ETV3L: variants seen among roughly 807,000 people sequenced by gnomAD.
ETV3L encodes ETS variant transcription factor 3 like, also known as ETS translocation variant 3-like protein.
ETV3L carries 30 observed loss-of-function variants against 27.6 expected under a neutral mutation model. The ratio of observed to expected loss-of-function variants is 1.09; its 90% CI spans 0.81 to 1.48. The LOEUF (loss-of-function observed/expected upper bound fraction) is 1.48, where lower values mean the gene tolerates loss of function less well. Among genes scored for constraint, ETV3L ranks in the 40% most tolerant of loss-of-function variants. The pLI, the probability that ETV3L is intolerant of heterozygous loss-of-function variation, is 0.00. For synonymous variants in ETV3L, 186 were observed against 188.9 expected (o/e 0.98, Z 0.12); for missense variants, 443 against 455.6 (o/e 0.97, Z 0.25).
chr1:157,097,470 C>CAAAAAA (rs150226645), intron 4 of ETV3L, among the ~76,000 whole-genome samples: 2 of 102,898 alleles, frequency 1.9e-5, no homozygotes, highest in Admixed American at 1.0e-4. Context: ...GACTCCGTCT[C>CAAAAAA]AAAAAAAAAA....
chr1:157,096,071 G>A (rs1268597643), intron 4 of ETV3L, among the ~76,000 whole-genome samples: 1 of 151,944 alleles, frequency 6.6e-6, no homozygotes, highest in Non-Finnish European at 1.5e-5. Context: ...TCTGTTCCAG[G>A]GCCATTGCAT....
At chr1:157,098,045 C>G (rs200585359) in intron 3 of ETV3L, 57 bp from the exon 4 acceptor site, 13 of 1,529,978 alleles carry the variant, frequency 8.5e-6, no homozygotes, top group Non-Finnish European at 1.1e-5. Context: ...ATGTATCCTC[C>G]AGTACAATCT....
intron 4 of ETV3L, among the ~76,000 whole-genome samples, chr1:157,097,636 C>T (rs755059168): frequency 7.2e-5 from 11 of 152,332 alleles, no homozygotes; most frequent in Middle Eastern, 3.4e-3. Flanking sequence ...CAGCAGCAGT[C>T]GCTGGCAGTA....
At position 157,092,698 on chromosome 1, in the gene ETV3L, G is replaced by T. The variant is rs774846719; in HGVS notation, c.1037C>A (p.Ser346Tyr). Residue 346 changes from serine to tyrosine, a missense_variant, in exon 5 of 5, where the codon TCC (serine) becomes TAC (tyrosine). Ser to Tyr is a moderately radical substitution (Grantham distance 144, BLOSUM62 -2). Coordinates refer to ENST00000454449, the MANE Select transcript of ETV3L (RefSeq NM_001004341.2). Reference sequence around the variant, plus strand: ...TGCTTTGAGGTTCTCCAGATTGGGGGAAGTAAGGCTTTCCTCCCCAGTTTT... The same window carrying T: ...TGCTTTGAGGTTCTCCAGATTGGGGTAAGTAAGGCTTTCCTCCCCAGTTTT... ...RLKTGEESLT[S>Y]PNLENLKAVW... 36 of 1,613,836 alleles carry T rather than the reference G, an allele frequency of 2.2e-5. No individual in the cohort carries two copies. Among genetic ancestry groups the T allele is most frequent in the Non-Finnish European group, 2.8e-5 (33 of 1,179,794 alleles).
Position 157,092,806 on chromosome 1 carries a change from A to T in ETV3L, c.929T>A (p.Leu310Gln). 6.2e-7 allele frequency: 1 copy of T among 1,614,166 alleles called. No individual in the cohort carries two copies. The highest frequency in any genetic ancestry group is 8.5e-7 in the Non-Finnish European group (1 of 1,180,006). Reference protein sequence around the residue: ...LWLLSLRPEGLEVKPAPMMEA... With the variant: ...LWLLSLRPEGQEVKPAPMMEA... ...CATCATGGGAGCAGGCTTTACTTCC[A>T]GCCCCTCGGGCCTGAGGGACAAGAG... is the stretch of plus-strand genomic sequence containing the variant. Residue 310 changes from leucine (L) to glutamine (Q), a missense_variant, in exon 5 of 5, where the codon CTG (leucine) becomes CAG (glutamine). Transcript: ENST00000454449.
At position 157,099,393 on chromosome 1, in the gene ETV3L, G is replaced by T. The variant is rs1403392449; in HGVS notation, c.59-15C>A. 6.2e-7 allele frequency: 1 copy of T among 1,614,084 alleles called. No homozygotes were observed. Among genetic ancestry groups the T allele is most frequent in the Non-Finnish European group, 8.5e-7 (1 of 1,179,950 alleles). On this transcript the variant is annotated splice_polypyrimidine_tract_variant and intron_variant, in intron 1 of 4. Coordinates refer to ENST00000454449, the MANE Select transcript of ETV3L (RefSeq NM_001004341.2). The stretch of plus-strand genomic sequence containing the variant: ...GAAGGCCAACCCTGGGTGGAGAGGG[G>T]AGAGTGAGGGCTCTGGAGGCCCTGC...
intron 3 of ETV3L, 129 bp downstream of exon 3, chr1:157,098,577 C>A: frequency 1.1e-6 from 1 of 881,568 alleles, no homozygotes; most frequent in Non-Finnish European, 1.7e-6. Flanking sequence ...CACTCAGGGT[C>A]TAGGATGCAG....
At position 157,092,946 on chromosome 1, in the gene ETV3L, C is replaced by T. The variant is rs754657687; in HGVS notation, c.789G>A (p.Gly263=). Residue 263 remains glycine, a synonymous_variant, in exon 5 of 5, where the codon GGG becomes GGA. Transcript: ENST00000454449. ...GGAGCAGGATGTCTGGCTTAAAAGC[C>T]CCTGGGAGCTGCTGCTCTGACGGGA... ...PPLPSEQQLP[G]AFKPDILLPG... 2 of 1,614,042 alleles carry T rather than the reference C, an allele frequency of 1.2e-6. No individual in the cohort carries two copies. The highest frequency in any genetic ancestry group is 1.7e-6 in the Non-Finnish European group (2 of 1,179,970).
At chr1:157,093,719 C>T (rs1425742559) in intron 4 of ETV3L, among the ~76,000 whole-genome samples, 1 of 152,190 alleles carries the variant, frequency 6.6e-6, no homozygotes, top group Non-Finnish European at 1.5e-5. Flanking sequence ...TCTCGAACTC[C>T]TGACCTCAGG....
At position 157,092,593 on chromosome 1, in the gene ETV3L, A is replaced by G. The variant is rs1196453157; in HGVS notation, c.*56T>C. 1 of 1,442,810 alleles carries G rather than the reference A, an allele frequency of 6.9e-7. No homozygotes were observed. Among genetic ancestry groups the G allele is most frequent in the African/African-American group, 1.4e-5 (1 of 70,598 alleles). 89.4% of individuals were successfully genotyped at this position (1,442,810 alleles called of 1,614,324 possible). On this transcript the variant is annotated 3_prime_UTR_variant, in exon 5 of 5. Coordinates refer to ENST00000454449, the MANE Select transcript of ETV3L (RefSeq NM_001004341.2). ...AGGGGCTAACCCAGAGGCGGTGGGC[A>G]AGAGGAGAGATGGACTTTGGAGGAC...
At chr1:157,097,569 A>G (rs1048005392) in intron 4 of ETV3L, among the ~76,000 whole-genome samples, 2 of 151,906 alleles carry the variant, frequency 1.3e-5, no homozygotes, top group African/African-American at 4.8e-5. Context: ...GTCCTCTGGG[A>G]AGCCCCAGTT....
At chr1:157,094,905 C>T (rs933982007) in intron 4 of ETV3L, among the ~76,000 whole-genome samples, 10 of 94,178 alleles carry the variant, frequency 1.1e-4, no homozygotes, top group Non-Finnish European at 1.6e-4. Flanking sequence ...AAAAGTGAAA[C>T]TCTGTCTCAA....
At position 157,092,641 on chromosome 1, in the gene ETV3L, C is replaced by G; in HGVS notation, c.*8G>C. 6.3e-7 allele frequency: 1 copy of G among 1,581,218 alleles called. No individual in the cohort carries two copies. Among genetic ancestry groups the G allele is most frequent in the Non-Finnish European group, 8.6e-7 (1 of 1,162,838 alleles). ...GACTCCTCCCCAACTTCCCACCTTC[C>G]TCTCTAGTTAAGGAGGATCCAAGGG... On this transcript the variant is annotated 3_prime_UTR_variant, in exon 5 of 5. Coordinates refer to ENST00000454449, the MANE Select transcript of ETV3L (RefSeq NM_001004341.2).
chr1:157,099,610 G>A lies in ETV3L; in HGVS notation c.-87C>T. 2 of 1,152,356 alleles carry A rather than the reference G, an allele frequency of 1.7e-6. No individual in the cohort carries two copies. The highest frequency in any genetic ancestry group is 2.1e-5 in the Admixed American group (1 of 47,658). The allele number at this position is 1,152,356 out of a possible 1,614,324, so 71.4% of individuals were successfully genotyped here. The stretch of plus-strand genomic sequence containing the variant: ...AAGGGAAGGAAGGAGGCAGAGGGGA[G>A]GACAGTGAAAGAGGAAGGAAAAATG... On this transcript the variant is annotated 5_prime_UTR_variant, in exon 1 of 5. Coordinates refer to ENST00000454449, the MANE Select transcript of ETV3L (RefSeq NM_001004341.2).
intron 4 of ETV3L, among the ~76,000 whole-genome samples, chr1:157,094,057 G>GAAA (rs1420933476): frequency 6.6e-6 from 1 of 152,172 alleles, no homozygotes; most frequent in African/African-American, 2.4e-5. Context: ...CAGTGCTCAA[G>GAAA]AAAAATGTGT....
chr1:157,093,184 T>G, intron 4 of ETV3L, 57 bp from the exon 5 acceptor site: 1 of 1,216,648 alleles, frequency 8.2e-7, no homozygotes. Context: ...AGATGCTCCT[T>G]GCTCCTCCCA....
Position 157,098,910 on chromosome 1 carries a change from G to A in ETV3L, c.297-15C>T, listed in dbSNP as rs753262856. Reference sequence around the variant, plus strand: ...TGTAGTAATATCTGGAGAATTCGAAGTTGAGAATAGAGTTGGCCCAGCAGT... The same window carrying A: ...TGTAGTAATATCTGGAGAATTCGAAATTGAGAATAGAGTTGGCCCAGCAGT... On this transcript the variant is annotated splice_polypyrimidine_tract_variant and intron_variant, in intron 2 of 4. Transcript: ENST00000454449. The A allele has an allele frequency of 1.2e-6, 2 of 1,602,056 alleles. No homozygotes were observed. Among genetic ancestry groups the A allele is most frequent in the East Asian group, 2.2e-5 (1 of 44,740 alleles).
In ETV3L at chr1:157,092,741, G is replaced by A; in HGVS notation, c.994C>T (p.Pro332Ser). 1 of 1,614,180 alleles carries A rather than the reference G, an allele frequency of 6.2e-7. No homozygotes were observed. Among genetic ancestry groups the A allele is most frequent in the Non-Finnish European group, 8.5e-7 (1 of 1,180,014 alleles). ...CCAGTTTTGAGTCTGCGGGTCTCTGGGCAGAAGACCTCCCTGGGATCCAGG... is the reference window on the plus strand; with the variant it reads ...CCAGTTTTGAGTCTGCGGGTCTCTGAGCAGAAGACCTCCCTGGGATCCAGG... The part of the protein sequence containing the change: ...GGLDPREVFC[P>S]ETRRLKTGEE... The change falls in exon 5 of 5, where the codon CCA becomes TCA. Residue 332 changes from proline to serine, a missense_variant. Pro to Ser is a moderately conservative substitution (Grantham distance 74, BLOSUM62 -1). Coordinates refer to ENST00000454449, the MANE Select transcript of ETV3L (RefSeq NM_001004341.2).
intron 4 of ETV3L, 107 bp from the exon 5 acceptor site, chr1:157,093,234 C>T: frequency 1.4e-6 from 1 of 694,232 alleles, no homozygotes; most frequent in Non-Finnish European, 2.2e-6. Flanking sequence ...AAGTCTCTTC[C>T]TCGCCCCACT....
Sources: allele counts gnomAD v4.1 joint callset (sites outside exome capture counted in the v4.1 genomes callset), GRCh38; gene constraint gnomAD v4.1.1; transcripts MANE v1.5; gene names NCBI Gene and HGNC (gene_info 2026-07-23, HGNC 2026-07-21).